CALD1: variants seen among roughly 807,000 people sequenced by gnomAD.
CALD1 encodes the protein caldesmon.
A neutral mutation model predicts 99.9 loss-of-function variants in CALD1; 33 were observed. The observed-to-expected ratio is 0.33, with a 90% confidence interval of 0.25 to 0.44. The LOEUF (loss-of-function observed/expected upper bound fraction) is 0.44. Ranked by LOEUF, CALD1 falls within the 20% of genes least tolerant of loss-of-function variation. The pLI is 1.00. For synonymous variants in CALD1, 310 were observed against 325.0 expected, an observed-to-expected ratio of 0.95 and a Z score of 0.50; for missense variants, 861 against 962.1, an observed-to-expected ratio of 0.89 and a Z score of 1.39.
intron 3 of CALD1, among the ~76,000 whole-genome samples, chr7:134,898,204 G>A (rs1208120301): frequency 6.6e-6 from 1 of 152,188 alleles, no homozygotes; most frequent in East Asian, 1.9e-4. Context: ...AACTTGCTGC[G>A]ACACAGCTAT....
intron 3 of CALD1, among the ~76,000 whole-genome samples, chr7:134,892,838 T>C (rs1435930104): frequency 6.6e-6 from 1 of 152,214 alleles, no homozygotes; most frequent in Admixed American, 6.5e-5. Flanking sequence ...TCTGCAGTCA[T>C]AGCCCACTGC....
chr7:134,811,093 T>G (rs1374647094), intron 1 of CALD1, among the ~76,000 whole-genome samples: 1 of 152,176 alleles, frequency 6.6e-6, no homozygotes, highest in Non-Finnish European at 1.5e-5. Context: ...ATCTGACCAA[T>G]AGGGTTTACT....
intron 2 of CALD1, among the ~76,000 whole-genome samples, chr7:134,855,081 T>C (rs1406703795): frequency 6.6e-6 from 1 of 152,258 alleles, no homozygotes; most frequent in Non-Finnish European, 1.5e-5. Context: ...CCCAGCCATG[T>C]TACTCATACA....
At chr7:134,910,429 T>C (rs1007507867) in intron 3 of CALD1, among the ~76,000 whole-genome samples, 2 of 152,186 alleles carry the variant, frequency 1.3e-5, no homozygotes, top group Non-Finnish European at 2.9e-5. Flanking sequence ...CTGAGTTCTT[T>C]TTGCTTCCCA....
At chr7:134,886,414 C>T (rs762983626) in intron 3 of CALD1, among the ~76,000 whole-genome samples, 1 of 152,158 alleles carries the variant, frequency 6.6e-6, no homozygotes, top group Non-Finnish European at 1.5e-5. Context: ...AGCAAAAACC[C>T]TGGATATAGC....
intron 1 of CALD1, among the ~76,000 whole-genome samples, chr7:134,782,710 T>C (rs916356622): frequency 6.6e-6 from 1 of 152,224 alleles, no homozygotes; most frequent in Non-Finnish European, 1.5e-5. Context: ...TCCCTGCAGA[T>C]TCTATACCCT....
intron 2 of CALD1, among the ~76,000 whole-genome samples, chr7:134,849,858 A>G (rs1800006024): frequency 6.6e-6 from 1 of 152,146 alleles, no homozygotes; most frequent in Non-Finnish European, 1.5e-5. Context: ...CTAACTTTTT[A>G]CATTTACTAT....
the CALD1 span, among the ~76,000 whole-genome samples, chr7:134,727,286 A>ACT: frequency 6.6e-6 from 1 of 152,248 alleles, no homozygotes; most frequent in Non-Finnish European, 1.5e-5. Context: ...TGTGCTTTGC[A>ACT]AGTCAAACAG....
At chr7:134,812,176 T>C (rs957204166) in intron 1 of CALD1, among the ~76,000 whole-genome samples, 1 of 152,226 alleles carries the variant, frequency 6.6e-6, no homozygotes, top group Non-Finnish European at 1.5e-5. Flanking sequence ...TAGCCATTTT[T>C]TGGAGAACAA....
At chr7:134,722,241 T>C in the CALD1 span, among the ~76,000 whole-genome samples, 7 of 152,284 alleles carry the variant, frequency 4.6e-5, no homozygotes, top group East Asian at 1.2e-3. Flanking sequence ...ATTGTTCCTT[T>C]CCTCCGGCCA....
At chr7:134,746,435 C>T (rs1796635457) in intron 1 of CALD1, among the ~76,000 whole-genome samples, 1 of 152,164 alleles carries the variant, frequency 6.6e-6, no homozygotes, top group South Asian at 2.1e-4. Context: ...GTACTTTGTT[C>T]TGGCAGTCCA....
Position 134,933,599 on chromosome 7 carries a change from G to A in CALD1, c.830G>A (p.Arg277Lys). The A allele has an allele frequency of 6.2e-7, 1 of 1,613,094 alleles. No individual in the cohort carries two copies. Among genetic ancestry groups the A allele is most frequent in the Non-Finnish European group, 8.5e-7 (1 of 1,179,596 alleles). ...AERARLEAEERERIKAEQDKK... is the reference protein window; with the variant it reads ...AERARLEAEEKERIKAEQDKK... ...AGGGCAAGGTTGGAAGCAGAAGAAAGAGAAAGAATTAAAGCCGAGCAAGAC... is the reference window on the plus strand; with the variant it reads ...AGGGCAAGGTTGGAAGCAGAAGAAAAAGAAAGAATTAAAGCCGAGCAAGAC... Residue 277 changes from arginine to lysine, a missense_variant, in exon 5 of 15, where the codon AGA becomes AAA. By Grantham distance (26) the Arg-to-Lys change is conservative. This residue lies in a region of CALD1 where 234 missense variants were observed against 233.1 expected (regional missense o/e 1.00). Transcript: ENST00000361675.
At chr7:134,887,628 CTGTGTGTACATGCATGTCTGTA>C (rs1168970153) in intron 3 of CALD1, among the ~76,000 whole-genome samples, 1 of 149,552 alleles carries the variant, frequency 6.7e-6, no homozygotes, top group Admixed American at 6.6e-5. Flanking sequence ...ATGTGTGTGC[CTGTGTGTACATGCATGTCTGTA>C]TGTGTGTGCA....
At chr7:134,750,732 A>G in intron 1 of CALD1, among the ~76,000 whole-genome samples, 1 of 149,532 alleles carries the variant, frequency 6.7e-6, no homozygotes, top group Admixed American at 6.8e-5. Flanking sequence ...TTCAATTACC[A>G]ATTCTATACA....
intron 3 of CALD1, among the ~76,000 whole-genome samples, chr7:134,873,495 C>CT (rs1801201682): frequency 6.6e-6 from 1 of 152,316 alleles, no homozygotes; most frequent in African/African-American, 2.4e-5. Context: ...AGTTCTCTTC[C>CT]TGTTCAGCAA....
chr7:134,887,436 C>G (rs1390110553), intron 3 of CALD1, among the ~76,000 whole-genome samples: 1 of 152,152 alleles, frequency 6.6e-6, no homozygotes, highest in Non-Finnish European at 1.5e-5. Context: ...GAGTACAGAG[C>G]CTATGAATTT....
chr7:134,731,841 G>C, the CALD1 span, among the ~76,000 whole-genome samples: 1 of 152,146 alleles, frequency 6.6e-6, no homozygotes, highest in African/African-American at 2.4e-5. Context: ...CTTTCTGAAA[G>C]TTTCCACCCA....
chr7:134,720,184 C>CTTTTT, the CALD1 span, among the ~76,000 whole-genome samples: 4 of 139,924 alleles, frequency 2.9e-5, no homozygotes, highest in Admixed American at 7.3e-5. Context: ...TAGCCCTCCT[C>CTTTTT]TTTTTTTTTT....
intron 1 of CALD1, among the ~76,000 whole-genome samples, chr7:134,758,665 C>T (rs1258558394): frequency 6.6e-6 from 1 of 152,146 alleles, no homozygotes; most frequent in Non-Finnish European, 1.5e-5. Context: ...ACTCCAAAGT[C>T]TGTTTTACTT....
Sources: allele counts gnomAD v4.1 joint callset (sites outside exome capture counted in the v4.1 genomes callset), GRCh38; gene constraint gnomAD v4.1.1; regional missense constraint gnomAD v4.1.1; transcripts MANE v1.5; gene names NCBI Gene and HGNC (gene_info 2026-07-23, HGNC 2026-07-21).